PDE10A: variants seen among roughly 807,000 people sequenced by gnomAD.
PDE10A encodes cAMP and cAMP-inhibited cGMP 3',5'-cyclic phosphodiesterase 10A.
PDE10A carries 39 observed loss-of-function variants against 97.7 expected under a neutral mutation model. The ratio of observed to expected loss-of-function variants is 0.40; its 90% CI spans 0.31 to 0.52. PDE10A has a LOEUF of 0.52. Among genes scored for constraint, PDE10A ranks in the 20% least tolerant of loss-of-function variants. The pLI, the probability that PDE10A is intolerant of heterozygous loss-of-function variation, is 0.56. For synonymous variants in PDE10A, 371 were observed against 376.8 expected (o/e 0.98, Z 0.18); for missense variants, 731 against 1,047.8 (o/e 0.70, Z 4.17).
intron 1 of PDE10A, among the ~76,000 whole-genome samples, chr6:165,752,357 A>G (rs1288227330): frequency 6.6e-6 from 1 of 152,106 alleles, no homozygotes; most frequent in Admixed American, 6.5e-5. Context: ...GGGCTTGCCC[A>G]TTCTGCATCA....
chr6:165,533,512 A>G (rs1248479526), intron 2 of PDE10A, among the ~76,000 whole-genome samples: 3 of 152,158 alleles, frequency 2.0e-5, no homozygotes, highest in Non-Finnish European at 4.4e-5. Flanking sequence ...GTCTTATGGG[A>G]CCACCTTCCT....
At position 165,962,466 on chromosome 6, in the gene PDE10A, C is replaced by T. The variant is rs114960286; in HGVS notation, c.-615+25063G>A. 9.2e-3 allele frequency among the ~76,000 whole-genome samples: 1,396 copies of T among 152,316 alleles called. 21 individuals carry two copies. The highest frequency in any genetic ancestry group is 0.032 in the African/African-American group (1,346 of 41,560). On this transcript the variant is annotated intron_variant, in intron 1 of 19. Transcript: ENST00000366882. ...ATTTGGCTACTCATTCAGCTTCGCT[C>T]GGCTGCAGAATTCAGGTGGGAATGC...
At chr6:165,892,395 T>A (rs1343376034) in intron 1 of PDE10A, among the ~76,000 whole-genome samples, 2 of 152,158 alleles carry the variant, frequency 1.3e-5, no homozygotes, top group Admixed American at 1.3e-4. Context: ...GCCTTCCACA[T>A]CAGACCACAG....
chr6:165,641,097 G>C (rs1340239693), intron 1 of PDE10A, among the ~76,000 whole-genome samples: 6 of 152,196 alleles, frequency 3.9e-5, no homozygotes, highest in African/African-American at 7.2e-5. Flanking sequence ...CCACAGAAGA[G>C]GGATGGACCC....
At chr6:165,651,690 G>T (rs1406184264) in intron 1 of PDE10A, among the ~76,000 whole-genome samples, 1 of 152,032 alleles carries the variant, frequency 6.6e-6, no homozygotes, top group Admixed American at 6.5e-5. Context: ...CATTTAAAGG[G>T]TCTCCTCACT....
chr6:165,842,608 A>G (rs1340797920), intron 1 of PDE10A, among the ~76,000 whole-genome samples: 1 of 152,222 alleles, frequency 6.6e-6, no homozygotes, highest in East Asian at 1.9e-4. Flanking sequence ...GATGCTTTCC[A>G]TGCTCGTTTT....
At chr6:165,867,459 T>A (rs6456023) in intron 1 of PDE10A, among the ~76,000 whole-genome samples, 29,990 of 151,816 alleles carry the variant, frequency 0.2, 3,298 homozygotes, top group African/African-American at 0.27. Flanking sequence ...AATAAAAGAA[T>A]CAATTCAGCA....
intron 3 of PDE10A, 108 bp downstream of exon 3, chr6:165,482,207 T>C: frequency 1.2e-6 from 1 of 825,126 alleles, no homozygotes; most frequent in Non-Finnish European, 2.1e-6. Context: ...GAAACTCAGT[T>C]TTTGCCATAA....
chr6:165,389,272 T>C (rs1246229986), intron 16 of PDE10A, among the ~76,000 whole-genome samples: 1 of 152,230 alleles, frequency 6.6e-6, no homozygotes, highest in Non-Finnish European at 1.5e-5. Context: ...TACAAGATTA[T>C]TCTGGCAACT....
chr6:165,822,043 A>G (rs1459590423), intron 1 of PDE10A, among the ~76,000 whole-genome samples: 2 of 152,206 alleles, frequency 1.3e-5, no homozygotes, highest in Admixed American at 1.3e-4. Context: ...CTGAGTTTGA[A>G]GTTTCTGAAC....
At chr6:165,669,261 C>A (rs375140561) in intron 1 of PDE10A, among the ~76,000 whole-genome samples, 176 of 152,316 alleles carry the variant, frequency 1.2e-3, no homozygotes, top group African/African-American at 4.1e-3. Context: ...GCCAGAGACA[C>A]CCGGTGCTAA....
At chr6:165,747,390 A>G (rs1792867552) in intron 1 of PDE10A, among the ~76,000 whole-genome samples, 1 of 152,180 alleles carries the variant, frequency 6.6e-6, no homozygotes, top group African/African-American at 2.4e-5. Flanking sequence ...ACTCCATGTT[A>G]AGTAGTGTTC....
At chr6:165,855,018 A>C (rs900282277) in intron 1 of PDE10A, among the ~76,000 whole-genome samples, 12 of 150,670 alleles carry the variant, frequency 8.0e-5, no homozygotes, top group Non-Finnish European at 1.2e-4. Flanking sequence ...TGAATGAATG[A>C]ATGAATGAAT....
At chr6:165,851,559 G>A (rs1001813512) in intron 1 of PDE10A, among the ~76,000 whole-genome samples, 4 of 152,162 alleles carry the variant, frequency 2.6e-5, no homozygotes, top group Admixed American at 2.0e-4. Flanking sequence ...TCCCTCAGTC[G>A]TTCCAGTACG....
intron 1 of PDE10A, among the ~76,000 whole-genome samples, chr6:165,609,766 A>T (rs1452139298): frequency 1.3e-5 from 2 of 152,198 alleles, no homozygotes; most frequent in South Asian, 2.1e-4. Flanking sequence ...CAATTGCTTC[A>T]AAGAGAATAA....
chr6:165,757,199 T>A (rs1000938287), intron 1 of PDE10A, among the ~76,000 whole-genome samples: 1 of 152,142 alleles, frequency 6.6e-6, no homozygotes, highest in Non-Finnish European at 1.5e-5. Context: ...ACTCCTGACC[T>A]CATGATCTGC....
intron 13 of PDE10A, 83 bp from the exon 14 acceptor site, chr6:165,396,542 T>G: frequency 1.5e-6 from 2 of 1,375,148 alleles, no homozygotes; most frequent in Admixed American, 4.4e-5. Context: ...GAATTTGGTA[T>G]TAAAGAATCA....
chr6:165,533,708 G>A (rs1021544879), intron 2 of PDE10A, among the ~76,000 whole-genome samples: 6 of 152,124 alleles, frequency 3.9e-5, no homozygotes, highest in African/African-American at 1.4e-4. Flanking sequence ...AAATAATTTA[G>A]ATGACTGTTA....
At chr6:165,712,508 G>A (rs1054862606) in intron 1 of PDE10A, among the ~76,000 whole-genome samples, 10 of 152,114 alleles carry the variant, frequency 6.6e-5, no homozygotes, top group Non-Finnish European at 1.3e-4. Context: ...GAACTTGTTG[G>A]TTGTGAAACA....
Sources: gnomAD v4.1 joint callset for allele counts (sites outside exome capture counted in the v4.1 genomes callset) on GRCh38, gnomAD v4.1.1 for gene constraint, MANE v1.5 for transcripts, NCBI Gene and HGNC (gene_info 2026-07-23, HGNC 2026-07-21) for gene names.